The following UBOX5 variants were observed in gnomAD, a reference collection of about 807,000 sequenced individuals.
The protein encoded by UBOX5 is U-box domain containing 5.
UBOX5 carries 28 observed loss-of-function variants against 39.0 expected under a neutral mutation model. The observed-to-expected ratio is 0.72, with a 90% CI of 0.53 to 0.98. The LOEUF is 0.98. UBOX5 is among the 50% of genes least tolerant of loss of function. The pLI is 0.00. For synonymous variants in UBOX5, 283 were observed against 275.5 expected, an observed-to-expected ratio of 1.03 and a Z score of -0.27; for missense variants, 585 against 674.4, an observed-to-expected ratio of 0.87 and a Z score of 1.47.
chr20:3,156,173 CTTTTT>C (rs761149925), intron 1 of UBOX5, among the ~76,000 whole-genome samples: 3 of 130,148 alleles, frequency 2.3e-5, no homozygotes, highest in East Asian at 2.2e-4. Context: ...ACTTCTGACT[CTTTTT>C]TTTTTTTTTT....
rs2066344277 is a variant in UBOX5 at position 3,122,294 on chromosome 20, G to C, written c.345C>G (p.Phe115Leu). The C allele has an allele frequency of 6.2e-7, 1 of 1,614,108 alleles. No homozygotes were observed. The highest frequency in any genetic ancestry group is 8.5e-7 in the Non-Finnish European group (1 of 1,180,054). ...TCAGTAAGACTTTGCCTACCAAGGT[G>C]AACGCCTCCTTGTCTGGGACAGATG... ...AEPSVPDKEA[F>L]TLVGKVLLKN... The change falls in exon 3 of 5, where the codon TTC becomes TTG. Residue 115 changes from phenylalanine to leucine, a missense_variant. Phe to Leu is a conservative substitution (Grantham distance 22, BLOSUM62 0). Transcript: ENST00000217173.
intron 1 of UBOX5, among the ~76,000 whole-genome samples, chr20:3,142,422 G>A (rs939677509): frequency 6.6e-5 from 10 of 151,938 alleles, no homozygotes; most frequent in African/African-American, 9.7e-5. Context: ...CCAATTTGGC[G>A]AAACACTGTC....
intron 1 of UBOX5, among the ~76,000 whole-genome samples, chr20:3,151,222 C>T (rs2066620982): frequency 6.6e-6 from 1 of 152,132 alleles, no homozygotes. Flanking sequence ...CCATTCTGCC[C>T]ACCAAATTTC....
At chr20:3,129,474 T>A (rs1215160672) in intron 1 of UBOX5, among the ~76,000 whole-genome samples, 1 of 152,146 alleles carries the variant, frequency 6.6e-6, no homozygotes, top group South Asian at 2.1e-4. Context: ...CTCTAAAATA[T>A]ACCACTCCAT....
chr20:3,150,234 AAACTCACTCAT>A (rs1029458704), intron 1 of UBOX5, among the ~76,000 whole-genome samples: 9 of 152,108 alleles, frequency 5.9e-5, no homozygotes, highest in African/African-American at 2.2e-4. Context: ...GTATACTAAA[AAACTCACTCAT>A]TTTGGTGGGA....
chr20:3,129,151 C>T (rs772115132), intron 1 of UBOX5, among the ~76,000 whole-genome samples: 3 of 152,174 alleles, frequency 2.0e-5, no homozygotes, highest in Admixed American at 6.5e-5. Flanking sequence ...TGACCAGACA[C>T]AGACTACCTG....
intron 1 of UBOX5, among the ~76,000 whole-genome samples, chr20:3,140,698 T>C (rs1196697587): frequency 6.6e-6 from 1 of 152,058 alleles, no homozygotes; most frequent in African/African-American, 2.4e-5. Context: ...GCATCTTTCT[T>C]AGGGTTACCA....
intron 1 of UBOX5, among the ~76,000 whole-genome samples, chr20:3,152,520 G>C (rs2066641248): frequency 6.6e-6 from 1 of 151,770 alleles, no homozygotes; most frequent in African/African-American, 2.4e-5. Flanking sequence ...AGAAGAGGAA[G>C]ACCTACTTTC....
chr20:3,135,162 CGTT>C (rs942508285), intron 1 of UBOX5, among the ~76,000 whole-genome samples: 3 of 151,904 alleles, frequency 2.0e-5, no homozygotes, highest in Admixed American at 6.6e-5. Flanking sequence ...TTTAAAAAAA[CGTT>C]GGTCAAAAGT....
intron 1 of UBOX5, among the ~76,000 whole-genome samples, chr20:3,131,212 G>C (rs1222649633): frequency 1.3e-5 from 2 of 150,642 alleles, no homozygotes; most frequent in Non-Finnish European, 2.9e-5. Context: ...CTGGGCAACA[G>C]AGTGAGACTC....
intron 1 of UBOX5, among the ~76,000 whole-genome samples, chr20:3,144,718 TTA>T (rs1455544011): frequency 6.6e-6 from 1 of 152,218 alleles, no homozygotes; most frequent in African/African-American, 2.4e-5. Context: ...GTTACCTGTA[TTA>T]TGTTACTTAT....
At chr20:3,142,772 C>CAAA (rs58907108) in intron 1 of UBOX5, among the ~76,000 whole-genome samples, 34 of 77,486 alleles carry the variant, frequency 4.4e-4, no homozygotes, top group Admixed American at 1.2e-3. Context: ...AACTCTGTCT[C>CAAA]AAAAAAAAAA....
intron 4 of UBOX5, among the ~76,000 whole-genome samples, chr20:3,110,990 C>A (rs1451051650): frequency 6.6e-6 from 1 of 152,228 alleles, no homozygotes; most frequent in Non-Finnish European, 1.5e-5. Flanking sequence ...CTGCAGCCTG[C>A]AGCCCCCTCA....
chr20:3,158,816 G>C (rs2066716811), intron 1 of UBOX5, among the ~76,000 whole-genome samples: 2 of 152,192 alleles, frequency 1.3e-5, no homozygotes, highest in South Asian at 4.1e-4. Flanking sequence ...AACTATCCAA[G>C]GACTTGCCCA....
intron 4 of UBOX5, chr20:3,111,797 C>G (rs979690492): frequency 6.6e-6 from 1 of 152,306 alleles, no homozygotes; most frequent in Non-Finnish European, 1.5e-5. Context: ...TCCTGAGGGT[C>G]AGGACTATGT....
rs34606078 is a variant in UBOX5, at chr20:3,110,238, C to T, written c.1494G>A (p.Pro498=). The T allele has an allele frequency of 1.1e-5, 18 of 1,613,958 alleles. No homozygotes were observed. The highest frequency in any genetic ancestry group is 2.2e-5 in the East Asian group (1 of 44,894). The change falls in exon 5 of 5, where the codon CCG becomes CCA. Residue 498 remains proline, a synonymous_variant. Transcript: ENST00000217173. ...GGTGGCCGCAGGGCAGCTGGTACACCGGCTCCTTTTTGAAGTAGGGAGAAA... is the reference window on the plus strand; with the variant it reads ...GGTGGCCGCAGGGCAGCTGGTACACTGGCTCCTTTTTGAAGTAGGGAGAAA... ...RVFSPYFKKE[P]VYQLPCGHLL...
rs751596624 is a variant in UBOX5, at chr20:3,115,347, T to C, written c.1375A>G (p.Thr459Ala). 1 of 1,613,950 alleles carries C rather than the reference T, an allele frequency of 6.2e-7. No individual in the cohort carries two copies. Among genetic ancestry groups the C allele is most frequent in the South Asian group, 1.1e-5 (1 of 91,048 alleles). Residue 459 changes from threonine (T) to alanine (A), a missense_variant, in exon 4 of 5, where the codon ACA becomes GCA. Physicochemically the swap from Thr to Ala is moderately conservative, Grantham distance 58. Coordinates refer to ENST00000217173, the MANE Select transcript of UBOX5 (RefSeq NM_014948.4). ...CTCCAGGAAGTGTTGCTCCCTCTTG[T>C]GCCAAGGTGCTGGAGCTGTCCCCTG... ...LTRGQLQHLG[T>A]RGSNTSWRPG...
At chr20:3,116,154 C>A (rs886568956) in intron 3 of UBOX5, among the ~76,000 whole-genome samples, 1 of 152,194 alleles carries the variant, frequency 6.6e-6, no homozygotes, top group East Asian at 1.9e-4. Context: ...TCCCCAGCGG[C>A]CTTAGTCTTC....
chr20:3,154,917 G>A (rs2066668168), intron 1 of UBOX5, among the ~76,000 whole-genome samples: 1 of 151,884 alleles, frequency 6.6e-6, no homozygotes, highest in African/African-American at 2.4e-5. Flanking sequence ...GACAGGTGTG[G>A]TGGCTCACAA....
Sources: gnomAD v4.1 joint callset for allele counts (sites outside exome capture counted in the v4.1 genomes callset) on GRCh38, gnomAD v4.1.1 for gene constraint, MANE v1.5 for transcripts, NCBI Gene and HGNC (gene_info 2026-07-23, HGNC 2026-07-21) for gene names.